Variants in ARHGEF3 observed in about 807,000 individuals in gnomAD.
ARHGEF3 encodes the protein Rho guanine nucleotide exchange factor 3.
In ARHGEF3, 28 loss-of-function variants were observed where a neutral mutation model predicts 63.2. The observed-to-expected ratio is 0.44, with a 90% CI of 0.33 to 0.61. The LOEUF (loss-of-function observed/expected upper bound fraction) is 0.61. Ranked by LOEUF, ARHGEF3 falls within the 20% of genes least tolerant of loss-of-function variation. The pLI is 0.03. For synonymous variants in ARHGEF3, 266 were observed against 254.2 expected, an observed-to-expected ratio of 1.05 and a Z score of -0.44; for missense variants, 533 against 659.3, an observed-to-expected ratio of 0.81 and a Z score of 2.10.
intron 2 of ARHGEF3, among the ~76,000 whole-genome samples, chr3:57,029,549 G>C (rs1703641242): frequency 1.3e-5 from 2 of 152,138 alleles, no homozygotes; most frequent in South Asian, 4.1e-4. Context: ...CAGATGTAGG[G>C]AGCTGCCCTC....
At chr3:56,763,717 ATTTATT>A (rs2035549211) in intron 2 of ARHGEF3, among the ~76,000 whole-genome samples, 1 of 151,970 alleles carries the variant, frequency 6.6e-6, no homozygotes, top group East Asian at 1.9e-4. Flanking sequence ...TTAAAATTTT[ATTTATT>A]TTTAATTTTT....
At chr3:56,774,394 A>G (rs1401006614) in intron 1 of ARHGEF3, among the ~76,000 whole-genome samples, 1 of 152,182 alleles carries the variant, frequency 6.6e-6, no homozygotes, top group Admixed American at 6.5e-5. Context: ...ACATATTAAT[A>G]TTTATAAATT....
chr3:56,921,327 T>C (rs2042136252), intron 3 of ARHGEF3, among the ~76,000 whole-genome samples: 1 of 138,466 alleles, frequency 7.2e-6, no homozygotes, highest in South Asian at 2.2e-4. Flanking sequence ...CATCATAAGA[T>C]TATTAGTTCT....
chr3:57,051,283 T>C (rs1704657075), intron 1 of ARHGEF3, among the ~76,000 whole-genome samples: 1 of 152,098 alleles, frequency 6.6e-6, no homozygotes, highest in Non-Finnish European at 1.5e-5. Context: ...AGGTCAGGAG[T>C]TCGAGACCAG....
chr3:57,016,074 C>G (rs1702988086), intron 2 of ARHGEF3, among the ~76,000 whole-genome samples: 1 of 152,162 alleles, frequency 6.6e-6, no homozygotes, highest in Non-Finnish European at 1.5e-5. Context: ...CACACCCACA[C>G]AAGGAAAAGA....
chr3:56,966,936 T>G (rs1013558093), intron 2 of ARHGEF3, among the ~76,000 whole-genome samples: 2 of 151,054 alleles, frequency 1.3e-5, no homozygotes, highest in East Asian at 3.9e-4. Flanking sequence ...CAATCTCTGC[T>G]CACTGCAACC....
intron 4 of ARHGEF3, among the ~76,000 whole-genome samples, chr3:56,869,388 C>T (rs140974648): frequency 2.6e-5 from 4 of 152,252 alleles, no homozygotes; most frequent in South Asian, 2.1e-4. Flanking sequence ...CAGCTCTCTC[C>T]GTAAAATGAT....
intron 1 of ARHGEF3, chr3:57,075,511 AAG>A (rs1706173694): frequency 1.2e-5 from 1 of 86,682 alleles, no homozygotes. Context: ...TTCTTTTTTT[AAG>A]AAAAAAAAAA....
At chr3:56,923,390 A>G (rs1361678521) in intron 3 of ARHGEF3, among the ~76,000 whole-genome samples, 5 of 151,676 alleles carry the variant, frequency 3.3e-5, no homozygotes, top group African/African-American at 9.7e-5. Flanking sequence ...TGGTGTAACG[A>G]TGGAAACTGG....
At chr3:56,775,011 T>C in intron 1 of ARHGEF3, 2 of 1,543,900 alleles carry the variant, frequency 1.3e-6, no homozygotes, top group South Asian at 1.2e-5. Context: ...CTTGTCCTCC[T>C]AAGCTCCATC....
intron 3 of ARHGEF3, among the ~76,000 whole-genome samples, chr3:56,946,699 C>T (rs113957640): frequency 6.6e-6 from 1 of 152,202 alleles, no homozygotes. Flanking sequence ...TTGAAAAACA[C>T]TCTGCAGGAT....
rs1426623024 is a variant in ARHGEF3 at position 56,951,591 on chromosome 3, G to A, written c.129+7232C>T. Among the ~76,000 whole-genome samples the A allele has an allele frequency of 3.9e-5, 6 of 152,034 alleles. No individual in the cohort carries two copies. The South Asian group carries it at 8.3e-4, about 21-fold the overall frequency. Reference sequence around the variant, plus strand: ...GAACTGAACCAGCAATGTCTCTGGGGTGTGCCTGCACTTTCATAATTTAAA... The same window carrying A: ...GAACTGAACCAGCAATGTCTCTGGGATGTGCCTGCACTTTCATAATTTAAA... On this transcript the variant is annotated intron_variant, in intron 3 of 12. Coordinates refer to the ARHGEF3 transcript ENST00000338458.
intron 4 of ARHGEF3, among the ~76,000 whole-genome samples, chr3:56,847,872 C>T (rs895751151): frequency 2.6e-5 from 4 of 152,202 alleles, no homozygotes; most frequent in Admixed American, 2.6e-4. Flanking sequence ...GCCACCATGC[C>T]TGGCCTACCC....
chr3:56,921,090 T>G (rs1178825242), intron 3 of ARHGEF3, among the ~76,000 whole-genome samples: 1 of 140,708 alleles, frequency 7.1e-6, no homozygotes, highest in African/African-American at 2.7e-5. Flanking sequence ...CATGGGCCAG[T>G]GCAGTGGCTC....
At chr3:56,766,024 GT>G (rs920726368) in intron 2 of ARHGEF3, among the ~76,000 whole-genome samples, 2 of 151,702 alleles carry the variant, frequency 1.3e-5, no homozygotes, top group African/African-American at 4.8e-5. Context: ...GACGTTCCTG[GT>G]TTTTTTTCCC....
chr3:57,037,398 G>T (rs1704006888), intron 1 of ARHGEF3, among the ~76,000 whole-genome samples: 1 of 152,148 alleles, frequency 6.6e-6, no homozygotes, highest in Admixed American at 6.5e-5. Flanking sequence ...TGCTGCAAGG[G>T]ACTTTACACC....
rs111626838 is a variant in ARHGEF3, at chr3:56,835,731, T to C, written c.192+46561A>G. ...AAATGCACCACCTCTCTCCCCCTTT[T>C]CATACGACACAGAACATGACCCATA... is the stretch of plus-strand genomic sequence containing the variant. On this transcript the variant is annotated intron_variant, in intron 4 of 12. Coordinates refer to the ARHGEF3 transcript ENST00000338458. Among the ~76,000 whole-genome samples, 517 of 152,164 alleles carry C rather than the reference T, an allele frequency of 3.4e-3. 4 individuals carry two copies. The highest frequency in any genetic ancestry group is 0.012 in the African/African-American group (483 of 41,500).
At position 56,850,069 on chromosome 3, in the gene ARHGEF3, C is replaced by G. The variant is rs182579313; in HGVS notation, c.192+32223G>C. 2.6e-5 allele frequency among the ~76,000 whole-genome samples: 4 copies of G among 152,242 alleles called. No individual in the cohort carries two copies. In the East Asian group the frequency reaches 7.7e-4, roughly 29 times the overall value. On this transcript the variant is annotated intron_variant, in intron 4 of 12. Coordinates refer to the ARHGEF3 transcript ENST00000338458. ...CACCCCCTCACCAGTAACACACAGC[C>G]CGAGCCTTATCAACACTGTTCCTAA...
chr3:56,882,995 T>G (rs1225660269), intron 3 of ARHGEF3, among the ~76,000 whole-genome samples: 1 of 152,224 alleles, frequency 6.6e-6, no homozygotes, highest in Non-Finnish European at 1.5e-5. Context: ...AAGTTCAGAT[T>G]CTGACTAACT....
Sources: allele counts gnomAD v4.1 joint callset (sites outside exome capture counted in the v4.1 genomes callset), GRCh38; gene constraint gnomAD v4.1.1; transcripts MANE v1.5; gene names NCBI Gene and HGNC (gene_info 2026-07-23, HGNC 2026-07-21).